AXDND1: variants seen among roughly 807,000 people sequenced by gnomAD.
AXDND1 encodes axonemal dynein light chain domain-containing protein 1.
A neutral mutation model predicts 137.5 loss-of-function variants in AXDND1; 110 were observed. The ratio of observed to expected loss-of-function variants is 0.80; its 90% CI spans 0.69 to 0.94. The LOEUF is 0.94. Ranked by LOEUF, AXDND1 falls within the 40% of genes least tolerant of loss-of-function variation. AXDND1 has a pLI of 0.00. For synonymous variants in AXDND1, 414 were observed against 399.7 expected (o/e 1.04, Z -0.43); for missense variants, 1,191 against 1,169.8 (o/e 1.02, Z -0.26).
At chr1:179,375,217 G>C (rs1013195056) in intron 4 of AXDND1, among the ~76,000 whole-genome samples, 1 of 151,678 alleles carries the variant, frequency 6.6e-6, no homozygotes, top group African/African-American at 2.4e-5. Flanking sequence ...TCCTGCCTCA[G>C]CCTCCCGAGT....
chr1:179,490,762 G>GTT (rs34944088), intron 18 of AXDND1, among the ~76,000 whole-genome samples: 25,523 of 146,532 alleles, frequency 0.17, 2,675 homozygotes, highest in East Asian at 0.32. Flanking sequence ...CACAGTACTT[G>GTT]TTTTTTTTTT....
At chr1:179,385,501 T>G (rs1244351802) in intron 9 of AXDND1, 142 bp downstream of exon 9, 2 of 972,492 alleles carry the variant, frequency 2.1e-6, no homozygotes, top group African/African-American at 3.3e-5. Context: ...TTTTTTTCTT[T>G]TTTGTTAATA....
intron 25 of AXDND1, among the ~76,000 whole-genome samples, chr1:179,541,473 G>GTT (rs1326837018): frequency 7.2e-6 from 1 of 139,224 alleles, no homozygotes; most frequent in African/African-American, 2.6e-5. Context: ...CGGAAAATCC[G>GTT]TTTTTGTTTT....
In AXDND1 at chr1:179,382,711, C is replaced by T. The variant is rs765713219; in HGVS notation, c.593C>T (p.Thr198Ile). The T allele has an allele frequency of 8.7e-6, 14 of 1,602,870 alleles. No individual in the cohort carries two copies. Among genetic ancestry groups the T allele is most frequent in the African/African-American group, 1.3e-5 (1 of 74,610 alleles). ...GLECYDDKYT[T>I]LLTDSENRLL... is the part of the protein sequence containing the mutation. The stretch of plus-strand genomic sequence containing the variant: ...CTTATTTATTGTAGCAAATACACTA[C>T]TCTCCTCACAGATAGTGAAAACAGG... Residue 198 changes from threonine to isoleucine, a missense_variant, in exon 7 of 26, where the codon ACT (threonine) becomes ATT (isoleucine). Transcript: ENST00000367618.
chr1:179,384,976 C>G (rs1005332347), intron 8 of AXDND1, among the ~76,000 whole-genome samples: 4 of 152,134 alleles, frequency 2.6e-5, no homozygotes, highest in African/African-American at 9.7e-5. Context: ...ATTGCCCAGG[C>G]TGGTCTCAAG....
intron 7 of AXDND1, 122 bp from the exon 8 acceptor site, chr1:179,383,320 A>C: frequency 1.4e-6 from 1 of 713,310 alleles, no homozygotes; most frequent in Non-Finnish European, 2.3e-6. Flanking sequence ...TCTAATGCTT[A>C]AAATGCCATT....
Position 179,414,274 on chromosome 1 carries a change from G to C in AXDND1, c.1230+3008G>C, listed in dbSNP as rs568774514. On this transcript the variant is annotated intron_variant, in intron 12 of 25. Transcript: ENST00000367618. Reference sequence around the variant, plus strand: ...AAGAGGGAATAAATTTAATAAGAAGGGATAAGACCTGTATCTTGAAAACAC... The same window carrying C: ...AAGAGGGAATAAATTTAATAAGAAGCGATAAGACCTGTATCTTGAAAACAC... Among the ~76,000 whole-genome samples, 3 of 151,690 alleles carry C rather than the reference G, an allele frequency of 2.0e-5. No homozygotes were observed. The East Asian group carries it at 5.8e-4, about 29-fold the overall frequency.
chr1:179,391,945 T>C (rs1003186923), intron 9 of AXDND1, among the ~76,000 whole-genome samples: 3 of 152,166 alleles, frequency 2.0e-5, no homozygotes, highest in African/African-American at 7.2e-5. Context: ...TCTGCCATGA[T>C]TGTAAGTTTC....
chr1:179,431,150 A>T (rs1239914428), intron 14 of AXDND1, among the ~76,000 whole-genome samples: 2 of 150,834 alleles, frequency 1.3e-5, no homozygotes, highest in Non-Finnish European at 1.5e-5. Context: ...ATTTAATTTT[A>T]TTTTTTTTTG....
chr1:179,438,632 G>C lies in AXDND1; in HGVS notation c.1563+6290G>C, dbSNP rs905571119. ...TGCAAAGCAGGTGTGGCAGCCCAAG[G>C]CTCAGACAGATTAACAGGAATCCGT... is the stretch of plus-strand genomic sequence containing the variant. On this transcript the variant is annotated intron_variant, in intron 15 of 25. Coordinates refer to ENST00000367618, the MANE Select transcript of AXDND1 (RefSeq NM_144696.6). 2.8e-4 allele frequency among the ~76,000 whole-genome samples: 43 copies of C among 152,190 alleles called. 1 individual carries two copies. Among genetic ancestry groups the C allele is most frequent in the Non-Finnish European group, 1.0e-4 (7 of 68,030 alleles).
At chr1:179,433,491 G>A (rs568906104) in intron 15 of AXDND1, among the ~76,000 whole-genome samples, 4 of 152,290 alleles carry the variant, frequency 2.6e-5, no homozygotes, top group Non-Finnish European at 4.4e-5. Flanking sequence ...GTTTTCTGAT[G>A]TGGGCATTTA....
intron 12 of AXDND1, among the ~76,000 whole-genome samples, chr1:179,423,789 A>G (rs1254085636): frequency 6.6e-6 from 1 of 152,198 alleles, no homozygotes; most frequent in Non-Finnish European, 1.5e-5. Flanking sequence ...ATATTTGTAT[A>G]TATTAACCAT....
At chr1:179,506,378 A>G (rs1052119198) in intron 20 of AXDND1, among the ~76,000 whole-genome samples, 5 of 152,204 alleles carry the variant, frequency 3.3e-5, no homozygotes, top group Non-Finnish European at 5.9e-5. Flanking sequence ...AATACCTACC[A>G]TAATGGAAAT....
At chr1:179,406,056 T>C (rs1652906240) in intron 11 of AXDND1, among the ~76,000 whole-genome samples, 1 of 152,136 alleles carries the variant, frequency 6.6e-6, no homozygotes, top group South Asian at 2.1e-4. Context: ...CCCATAGGCC[T>C]TGTGCTTCAT....
chr1:179,482,726 G>A (rs912301562), intron 17 of AXDND1, among the ~76,000 whole-genome samples: 5 of 151,734 alleles, frequency 3.3e-5, no homozygotes, highest in African/African-American at 7.3e-5. Flanking sequence ...TACCAGTTTC[G>A]GGGGTGGTGG....
At position 179,422,056 on chromosome 1, in the gene AXDND1, A is replaced by C. The variant is rs113672889; in HGVS notation, c.1231-7462A>C. On this transcript the variant is annotated intron_variant, in intron 12 of 25. Coordinates refer to ENST00000367618, the MANE Select transcript of AXDND1 (RefSeq NM_144696.6). ...ACTCCATCTCAAAAGAAAAAAAAAA[A>C]AAAAAACAGCAGCTTTTCCTTTCAT... Among the ~76,000 whole-genome samples, 15 of 151,926 alleles carry C rather than the reference A, an allele frequency of 9.9e-5. No individual in the cohort carries two copies. The South Asian group carries it at 1.5e-3, about 15-fold the overall frequency.
At chr1:179,552,856 C>T (rs1029550780) in intron 25 of AXDND1, among the ~76,000 whole-genome samples, 4 of 152,152 alleles carry the variant, frequency 2.6e-5, no homozygotes, top group Non-Finnish European at 4.4e-5. Context: ...TCTCCAAGGT[C>T]GATGCCTCAA....
At chr1:179,485,396 G>T (rs953778178) in intron 18 of AXDND1, among the ~76,000 whole-genome samples, 4 of 152,180 alleles carry the variant, frequency 2.6e-5, no homozygotes, top group Non-Finnish European at 4.4e-5. Context: ...AGACCCTAGA[G>T]TTAGAGCATG....
At chr1:179,367,194 C>T (rs67545145) in intron 2 of AXDND1, among the ~76,000 whole-genome samples, 67,718 of 150,580 alleles carry the variant, frequency 0.45, 15,409 homozygotes, top group Non-Finnish European at 0.49. Flanking sequence ...GCATTCCAGT[C>T]TGGGAGACAA....
Sources: gnomAD v4.1 joint callset for allele counts (sites outside exome capture counted in the v4.1 genomes callset) on GRCh38, gnomAD v4.1.1 for gene constraint, MANE v1.5 for transcripts, NCBI Gene and HGNC (gene_info 2026-07-23, HGNC 2026-07-21) for gene names.